The following RABGAP1L variants were observed in gnomAD, a reference collection of about 807,000 sequenced individuals.
RABGAP1L encodes rab GTPase-activating protein 1-like.
In RABGAP1L, 63 loss-of-function variants were observed where a neutral mutation model predicts 137.7. The ratio of observed to expected loss-of-function variants is 0.46; its 90% CI spans 0.37 to 0.56. The LOEUF is 0.56. Ranked by LOEUF, RABGAP1L falls within the 20% of genes least tolerant of loss-of-function variation. The pLI is 0.00. For missense variants in RABGAP1L, 1,095 were observed against 1,244.0 expected (o/e 0.88, Z 1.80); for synonymous variants, 431 against 433.7 (o/e 0.99, Z 0.08).
chr1:174,756,191 C>A (rs1361533829), intron 18 of RABGAP1L, among the ~76,000 whole-genome samples: 1 of 152,100 alleles, frequency 6.6e-6, no homozygotes, highest in Non-Finnish European at 1.5e-5. Context: ...TTCTGTTGCC[C>A]AGGCTGCAGA....
At chr1:174,656,414 T>C (rs1675976633) in intron 14 of RABGAP1L, among the ~76,000 whole-genome samples, 1 of 152,172 alleles carries the variant, frequency 6.6e-6, no homozygotes, top group Non-Finnish European at 1.5e-5. Flanking sequence ...GCCGAGATCA[T>C]GCCACTGCCC....
At chr1:174,174,429 A>C (rs1665672859) in intron 1 of RABGAP1L, among the ~76,000 whole-genome samples, 1 of 152,204 alleles carries the variant, frequency 6.6e-6, no homozygotes, top group Non-Finnish European at 1.5e-5. Context: ...CAGAACCAAT[A>C]GGATAGCTAT....
At chr1:174,757,128 G>A (rs1684829739) in intron 18 of RABGAP1L, 26 of 451,150 alleles carry the variant, frequency 5.8e-5, no homozygotes, top group South Asian at 4.3e-4. Flanking sequence ...ATCTTGTTCA[G>A]GTTTAATTGT....
chr1:174,488,416 A>G (rs892007061), intron 13 of RABGAP1L, among the ~76,000 whole-genome samples: 2 of 151,200 alleles, frequency 1.3e-5, no homozygotes, highest in Non-Finnish European at 2.9e-5. Flanking sequence ...GCTCCATTGT[A>G]TGTTATTTGT....
intron 1 of RABGAP1L, among the ~76,000 whole-genome samples, chr1:174,206,786 A>G (rs1056784537): frequency 1.3e-5 from 2 of 152,154 alleles, no homozygotes; most frequent in East Asian, 1.9e-4. Context: ...ATTGCTGAAT[A>G]TTGTTGTACT....
intron 16 of RABGAP1L, among the ~76,000 whole-genome samples, chr1:174,699,993 A>C (rs530254120): frequency 6.6e-6 from 1 of 152,296 alleles, no homozygotes; most frequent in East Asian, 1.9e-4. Context: ...CTTTCTGCAT[A>C]CTAATTAGCA....
At chr1:174,446,249 C>A (rs1571850956) in intron 13 of RABGAP1L, among the ~76,000 whole-genome samples, 1 of 152,196 alleles carries the variant, frequency 6.6e-6, no homozygotes, top group Non-Finnish European at 1.5e-5. Context: ...AGGTGAGAAG[C>A]ATTACCTTAT....
intron 14 of RABGAP1L, among the ~76,000 whole-genome samples, chr1:174,643,774 A>G (rs374772744): frequency 8.5e-5 from 13 of 152,072 alleles, no homozygotes; most frequent in African/African-American, 3.1e-4. Flanking sequence ...ATCTTTTCAT[A>G]TTATTCATTT....
chr1:174,508,658 C>T (rs900993568), intron 13 of RABGAP1L, among the ~76,000 whole-genome samples: 32 of 152,092 alleles, frequency 2.1e-4, no homozygotes, highest in African/African-American at 6.8e-4. Context: ...TAGCATAATT[C>T]CTTAGAAAAA....
chr1:174,191,635 T>C (rs1206936318), intron 1 of RABGAP1L, among the ~76,000 whole-genome samples: 1 of 152,228 alleles, frequency 6.6e-6, no homozygotes, highest in Non-Finnish European at 1.5e-5. Context: ...ATTAGCTGCT[T>C]CCTCCTTTTC....
At chr1:174,841,860 C>CTTT (rs757469241) in intron 19 of RABGAP1L, among the ~76,000 whole-genome samples, 2 of 144,664 alleles carry the variant, frequency 1.4e-5, no homozygotes, top group African/African-American at 5.1e-5. Flanking sequence ...GAATAACTTT[C>CTTT]TTTTTTTTTT....
chr1:174,275,416 A>G (rs992936148), intron 8 of RABGAP1L, among the ~76,000 whole-genome samples: 3 of 152,154 alleles, frequency 2.0e-5, no homozygotes, highest in African/African-American at 7.2e-5. Context: ...AACTTTCCCT[A>G]CTGTGATTAG....
chr1:174,649,572 G>A (rs1307881427), intron 14 of RABGAP1L, among the ~76,000 whole-genome samples: 1 of 152,114 alleles, frequency 6.6e-6, no homozygotes, highest in Non-Finnish European at 1.5e-5. Context: ...GAGATCCGCT[G>A]TTAGTCTGAT....
At chr1:174,238,630 GA>G (rs1429569193) in intron 4 of RABGAP1L, among the ~76,000 whole-genome samples, 5 of 150,528 alleles carry the variant, frequency 3.3e-5, no homozygotes, top group Non-Finnish European at 5.9e-5. Context: ...CCCGTTCTCA[GA>G]TCTCCAGCTG....
Position 174,894,015 on chromosome 1 carries a change from T to C in RABGAP1L, c.2341-63442T>C, listed in dbSNP as rs182680307. Among the ~76,000 whole-genome samples the C allele has an allele frequency of 6.6e-5, 10 of 152,158 alleles. No homozygotes were observed. The East Asian group carries it at 1.9e-3, about 29-fold the overall frequency. ...AATTACACTGGAGGGTGGGCTGGGG[T>C]GGAGGGAAGGTCCCAGGTGCATTTA... On this transcript the variant is annotated intron_variant, in intron 19 of 25. Coordinates refer to ENST00000681986, the MANE Select transcript of RABGAP1L (RefSeq NM_001366446.1).
rs1178975159 is a variant in RABGAP1L at position 174,992,617 on chromosome 1, T to G, written c.*2616T>G. ...ACCATAAGCCTAAACTCTCCTTCAC[T>G]GCAATGCCTTTGAGTCAGTAGCAAT... On this transcript the variant is annotated 3_prime_UTR_variant, in exon 26 of 26. Coordinates refer to ENST00000681986, the MANE Select transcript of RABGAP1L (RefSeq NM_001366446.1). 6.6e-6 allele frequency: 1 copy of G among 152,124 alleles called. No individual in the cohort carries two copies. The highest frequency in any genetic ancestry group is 1.9e-4 in the East Asian group (1 of 5,188). The allele number at this position is 152,124 out of a possible 1,614,324, so 9.4% of individuals were successfully genotyped here. A position where few individuals can be genotyped will look rare whatever the true frequency, so the allele number is the denominator to read the frequency against.
rs1000560529 is a variant in RABGAP1L, at chr1:174,653,182, C to A, written c.1824+15694C>A. ...TGGAGTAACCCAGGGCAACTTCAGACTGCTATGCTGGCAGTGAGAATTTCA... is the reference window on the plus strand; with the variant it reads ...TGGAGTAACCCAGGGCAACTTCAGAATGCTATGCTGGCAGTGAGAATTTCA... On this transcript the variant is annotated intron_variant, in intron 14 of 25. Coordinates refer to ENST00000681986, the MANE Select transcript of RABGAP1L (RefSeq NM_001366446.1). 9.2e-5 allele frequency among the ~76,000 whole-genome samples: 14 copies of A among 152,290 alleles called. No individual in the cohort carries two copies. The East Asian group carries it at 1.9e-3, about 21-fold the overall frequency.
At chr1:174,723,384 G>GT (rs745365100) in intron 17 of RABGAP1L, among the ~76,000 whole-genome samples, 3 of 152,152 alleles carry the variant, frequency 2.0e-5, no homozygotes, top group Non-Finnish European at 4.4e-5. Flanking sequence ...CAAAATTTTT[G>GT]TAAGTCAAAA....
At chr1:174,243,112 G>T (rs193206754) in intron 5 of RABGAP1L, 33 of 152,260 alleles carry the variant, frequency 2.2e-4, no homozygotes, top group African/African-American at 7.0e-4. Context: ...AAAATCTGCT[G>T]CTTGGAGAGA....
Sources: gnomAD v4.1 joint callset for allele counts (sites outside exome capture counted in the v4.1 genomes callset) on GRCh38, gnomAD v4.1.1 for gene constraint, MANE v1.5 for transcripts, NCBI Gene and HGNC (gene_info 2026-07-23, HGNC 2026-07-21) for gene names.